CECR2: variants seen among roughly 807,000 people sequenced by gnomAD.
The protein encoded by CECR2 is CECR2 histone acetyl-lysine reader.
CECR2 carries 30 observed loss-of-function variants against 154.5 expected under a neutral mutation model. The ratio of observed to expected loss-of-function variants is 0.19; its 90% confidence interval spans 0.15 to 0.26. CECR2 has a LOEUF of 0.26. Among genes scored for constraint, CECR2 ranks in the 10% least tolerant of loss-of-function variants. The pLI, the probability that CECR2 is intolerant of heterozygous loss-of-function variation, is 1.00. For missense variants in CECR2, 1,743 were observed against 1,829.3 expected (o/e 0.95, Z 0.86); for synonymous variants, 725 against 683.7 (o/e 1.06, Z -0.94).
chr22:17,504,265 T>TG (rs1462148193), intron 6 of CECR2, among the ~76,000 whole-genome samples: 2 of 151,480 alleles, frequency 1.3e-5, no homozygotes, highest in Non-Finnish European at 2.9e-5. Context: ...CCCAGCTACT[T>TG]GGGGGGTGCT....
intron 9 of CECR2, among the ~76,000 whole-genome samples, chr22:17,526,124 A>G (rs2056260115): frequency 6.6e-6 from 1 of 152,110 alleles, no homozygotes; most frequent in Admixed American, 6.6e-5. Context: ...CCAGAATACC[A>G]ATGACATTCT....
intron 1 of CECR2, among the ~76,000 whole-genome samples, chr22:17,373,067 T>G (rs1266476369): frequency 6.6e-6 from 1 of 152,080 alleles, no homozygotes; most frequent in Non-Finnish European, 1.5e-5. Flanking sequence ...TTAAATAAAT[T>G]TTTTGTTTTT....
chr22:17,440,338 C>G (rs2054566329), intron 1 of CECR2, among the ~76,000 whole-genome samples: 2 of 152,176 alleles, frequency 1.3e-5, no homozygotes, highest in African/African-American at 4.8e-5. Context: ...CTAGCTCCCA[C>G]TCGATGTTGT....
At chr22:17,515,190 C>T (rs2056029372) in intron 8 of CECR2, among the ~76,000 whole-genome samples, 1 of 151,936 alleles carries the variant, frequency 6.6e-6, no homozygotes, top group African/African-American at 2.4e-5. Context: ...AGAAAAAAGG[C>T]CCAGAGAAAT....
chr22:17,468,788 G>T (rs575016372), intron 1 of CECR2, among the ~76,000 whole-genome samples: 4 of 152,142 alleles, frequency 2.6e-5, no homozygotes, highest in Admixed American at 1.3e-4. Flanking sequence ...CTGTTTTGCC[G>T]TAACAAAATA....
rs2056547725 is a variant in CECR2 at position 17,542,706 on chromosome 22, C to A, written c.2563C>A (p.Pro855Thr). Reference protein sequence around the residue: ...KSAGHRLQPPPVPAPSSLFGA... With the variant: ...KSAGHRLQPPTVPAPSSLFGA... ...TGCCGGACATCGGTTACAGCCACCT[C>A]CAGTGCCAGCACCCAGTTCTTTGTT... The change falls in exon 16 of 19, where the codon CCA becomes ACA. Residue 855 changes from proline (P) to threonine (T), a missense_variant. By Grantham distance (38) the Pro-to-Thr change is conservative. Coordinates refer to ENST00000262608, the MANE Select transcript of CECR2 (RefSeq NM_001290047.2). 1 of 1,614,046 alleles carries A rather than the reference C, an allele frequency of 6.2e-7. No individual in the cohort carries two copies. Among genetic ancestry groups the A allele is most frequent in the African/African-American group, 1.3e-5 (1 of 75,044 alleles).
At chr22:17,525,585 G>A (rs867615543) in intron 9 of CECR2, among the ~76,000 whole-genome samples, 3 of 152,234 alleles carry the variant, frequency 2.0e-5, no homozygotes, top group Admixed American at 1.3e-4. Context: ...CAGCCTGGGC[G>A]ACAGAGCAAG....
At chr22:17,404,005 A>G (rs1034077066) in intron 1 of CECR2, among the ~76,000 whole-genome samples, 2 of 108,722 alleles carry the variant, frequency 1.8e-5, no homozygotes, top group African/African-American at 3.3e-5. Context: ...CACACCTGCA[A>G]TCCTAGCACT....
intron 1 of CECR2, among the ~76,000 whole-genome samples, chr22:17,382,112 G>T (rs530962908): frequency 2.0e-5 from 3 of 151,152 alleles, no homozygotes; most frequent in Non-Finnish European, 4.4e-5. Context: ...GGATGGTCTT[G>T]ATCTCCTGAC....
At chr22:17,485,868 C>T (rs971687648) in intron 2 of CECR2, among the ~76,000 whole-genome samples, 4 of 152,190 alleles carry the variant, frequency 2.6e-5, no homozygotes, top group African/African-American at 9.6e-5. Context: ...AAATTACTGT[C>T]TTCAGATCTC....
intron 1 of CECR2, among the ~76,000 whole-genome samples, chr22:17,468,118 C>T (rs565457543): frequency 6.6e-6 from 1 of 152,240 alleles, no homozygotes; most frequent in African/African-American, 2.4e-5. Context: ...TGGAAGATAA[C>T]AGCAGGTGCC....
chr22:17,418,381 AT>A (rs1377533952), intron 1 of CECR2, among the ~76,000 whole-genome samples: 4 of 152,046 alleles, frequency 2.6e-5, no homozygotes, highest in Admixed American at 2.6e-4. Flanking sequence ...TTAGTGGTTC[AT>A]TTTCGTTCTG....
At chr22:17,415,904 C>A (rs546114394) in intron 1 of CECR2, among the ~76,000 whole-genome samples, 6 of 152,332 alleles carry the variant, frequency 3.9e-5, no homozygotes, top group African/African-American at 1.2e-4. Context: ...ACACACCTTT[C>A]TCTTAGATTT....
intron 1 of CECR2, among the ~76,000 whole-genome samples, chr22:17,374,030 G>T (rs1452501414): frequency 2.0e-5 from 3 of 152,222 alleles, no homozygotes; most frequent in Non-Finnish European, 2.9e-5. Context: ...CTTGAGTAAG[G>T]TAAGGGAGGA....
intron 1 of CECR2, chr22:17,419,169 C>G (rs1601324888): frequency 6.5e-6 from 1 of 153,668 alleles, no homozygotes; most frequent in Admixed American, 6.5e-5. Flanking sequence ...TCCCTGAAGC[C>G]CCCGCGGGGT....
chr22:17,521,263 G>T (rs924586442), intron 8 of CECR2, among the ~76,000 whole-genome samples: 1 of 152,100 alleles, frequency 6.6e-6, no homozygotes, highest in African/African-American at 2.4e-5. Context: ...CTGTTCGGCC[G>T]GGCGCAGTGG....
intron 16 of CECR2, among the ~76,000 whole-genome samples, chr22:17,545,387 A>AAAAAAAAAAAAAAAAAAAC (rs2056596856): frequency 6.6e-6 from 1 of 151,182 alleles, no homozygotes; most frequent in African/African-American, 2.4e-5. Flanking sequence ...AAAAAAAAAA[A>AAAAAAAAAAAAAAAAAAAC]AAAAAAAAAA....
At chr22:17,421,928 T>C (rs1247083936) in intron 1 of CECR2, among the ~76,000 whole-genome samples, 1 of 151,884 alleles carries the variant, frequency 6.6e-6, no homozygotes, top group Non-Finnish European at 1.5e-5. Context: ...TCAATTGTTG[T>C]TGCAGAAAGT....
intron 1 of CECR2, among the ~76,000 whole-genome samples, chr22:17,470,300 T>C (rs1009205087): frequency 6.7e-6 from 1 of 148,690 alleles, no homozygotes; most frequent in Middle Eastern, 3.3e-3. Flanking sequence ...TAGCTGGGCA[T>C]GGTGGTGCAC....
Sources: allele counts gnomAD v4.1 joint callset (sites outside exome capture counted in the v4.1 genomes callset), GRCh38; gene constraint gnomAD v4.1.1; transcripts MANE v1.5; gene names NCBI Gene and HGNC (gene_info 2026-07-23, HGNC 2026-07-21).